ST7: variants seen among roughly 807,000 people sequenced by gnomAD.
The protein encoded by ST7 is suppression of tumorigenicity 7.
In ST7, 28 loss-of-function variants were observed where a neutral mutation model predicts 78.7. The ratio of observed to expected loss-of-function variants is 0.36; its 90% CI spans 0.26 to 0.49. ST7 has a LOEUF of 0.49. Ranked by LOEUF, ST7 falls within the 20% of genes least tolerant of loss-of-function variation. The pLI, the probability that ST7 is intolerant of heterozygous loss-of-function variation, is 0.99. For missense variants in ST7, 418 were observed against 696.0 expected, an observed-to-expected ratio of 0.60 and a Z score of 4.49; for synonymous variants, 247 against 249.6, an observed-to-expected ratio of 0.99 and a Z score of 0.10.
At chr7:116,987,640 G>T (rs1794242928) in intron 1 of ST7, among the ~76,000 whole-genome samples, 1 of 152,174 alleles carries the variant, frequency 6.6e-6, no homozygotes, top group Non-Finnish European at 1.5e-5. Flanking sequence ...TACCTCAAAG[G>T]AAAGAAACCT....
intron 13 of ST7, among the ~76,000 whole-genome samples, chr7:117,217,576 T>A (rs1792788152): frequency 6.6e-6 from 1 of 152,218 alleles, no homozygotes; most frequent in Non-Finnish European, 1.5e-5. Flanking sequence ...GTTAACAACC[T>A]GTGCAAAGAA....
intron 1 of ST7, among the ~76,000 whole-genome samples, chr7:116,966,614 C>G (rs1304175370): frequency 6.6e-6 from 1 of 152,148 alleles, no homozygotes; most frequent in Non-Finnish European, 1.5e-5. Flanking sequence ...TGATACTTGG[C>G]TTTATGGAAA....
At chr7:116,976,661 A>G (rs2116297051) in intron 1 of ST7, among the ~76,000 whole-genome samples, 1 of 152,346 alleles carries the variant, frequency 6.6e-6, no homozygotes, top group South Asian at 2.1e-4. Flanking sequence ...AGGTAGGGCT[A>G]TATATTCTGT....
chr7:117,048,401 CT>C (rs1318318923), intron 1 of ST7, among the ~76,000 whole-genome samples: 1 of 152,126 alleles, frequency 6.6e-6, no homozygotes, highest in Non-Finnish European at 1.5e-5. Flanking sequence ...CCAAAGCAGT[CT>C]TGAATAATCA....
At chr7:117,161,007 A>G (rs1807098570) in intron 9 of ST7, among the ~76,000 whole-genome samples, 1 of 152,162 alleles carries the variant, frequency 6.6e-6, no homozygotes, top group East Asian at 1.9e-4. Context: ...TCTTGATATT[A>G]TTATAGAATT....
At chr7:117,144,014 T>A (rs1053553822) in intron 9 of ST7, among the ~76,000 whole-genome samples, 7 of 152,182 alleles carry the variant, frequency 4.6e-5, no homozygotes, top group Admixed American at 4.6e-4. Context: ...ATTTACCATT[T>A]TAGAAAATTA....
At chr7:117,147,079 TAG>T (rs1372433676) in intron 9 of ST7, among the ~76,000 whole-genome samples, 1 of 152,164 alleles carries the variant, frequency 6.6e-6, no homozygotes, top group Non-Finnish European at 1.5e-5. Context: ...TATATGTCTA[TAG>T]ATCTCTGCTT....
chr7:116,975,521 C>T (rs1793657870), intron 1 of ST7, among the ~76,000 whole-genome samples: 2 of 152,026 alleles, frequency 1.3e-5, no homozygotes. Context: ...GGTTCTCCTT[C>T]CTTAGTCTCC....
intron 1 of ST7, among the ~76,000 whole-genome samples, chr7:117,076,027 G>A (rs565141434): frequency 6.6e-6 from 1 of 152,128 alleles, no homozygotes; most frequent in South Asian, 2.1e-4. Flanking sequence ...CAACTTCCTG[G>A]TTTCTTACAC....
chr7:117,010,398 T>A (rs1795339682), intron 1 of ST7, among the ~76,000 whole-genome samples: 2 of 152,122 alleles, frequency 1.3e-5, no homozygotes, highest in African/African-American at 2.4e-5. Flanking sequence ...TTTAGTGGAG[T>A]CTTCTCACAT....
chr7:116,991,549 C>T lies in ST7; in HGVS notation c.151+37858C>T, dbSNP rs148467544. Among the ~76,000 whole-genome samples, 63 of 152,130 alleles carry T rather than the reference C, an allele frequency of 4.1e-4. No homozygotes were observed. The East Asian group carries it at 6.9e-3, about 17-fold the overall frequency. On this transcript the variant is annotated intron_variant, in intron 1 of 15. Transcript: ENST00000323984. ...ACCAAGAGAACAATATGGGTGAAACCGCCCCCATGATTCAAATTATCTCCT... is the reference window on the plus strand; with the variant it reads ...ACCAAGAGAACAATATGGGTGAAACTGCCCCCATGATTCAAATTATCTCCT...
intron 1 of ST7, among the ~76,000 whole-genome samples, chr7:117,060,971 A>C (rs991296834): frequency 1.3e-5 from 2 of 152,312 alleles, no homozygotes; most frequent in South Asian, 4.1e-4. Context: ...GCACCACTGC[A>C]CTCCAGCCTG....
intron 1 of ST7, among the ~76,000 whole-genome samples, chr7:116,997,240 A>G (rs1223808588): frequency 1.3e-5 from 2 of 152,098 alleles, no homozygotes; most frequent in African/African-American, 2.4e-5. Context: ...AGAGCAAAAG[A>G]ACAAAGCTTC....
At chr7:116,977,297 G>A (rs753687519) in intron 1 of ST7, among the ~76,000 whole-genome samples, 9 of 152,190 alleles carry the variant, frequency 5.9e-5, no homozygotes, top group Non-Finnish European at 1.3e-4. Context: ...TTTCAAAAGT[G>A]TGACTGTACT....
chr7:117,103,127 A>G (rs1801689944), intron 2 of ST7, among the ~76,000 whole-genome samples: 1 of 152,214 alleles, frequency 6.6e-6, no homozygotes, highest in African/African-American at 2.4e-5. Flanking sequence ...GATTGGAAGA[A>G]TTAATATCAT....
At chr7:116,989,271 G>C (rs933922660) in intron 1 of ST7, among the ~76,000 whole-genome samples, 2 of 152,202 alleles carry the variant, frequency 1.3e-5, no homozygotes, top group Admixed American at 1.3e-4. Flanking sequence ...CAAGTGCTCA[G>C]TAGCCATATG....
intron 1 of ST7, among the ~76,000 whole-genome samples, chr7:117,094,838 A>G (rs1800901528): frequency 6.6e-6 from 1 of 151,910 alleles, no homozygotes; most frequent in African/African-American, 2.4e-5. Context: ...AGCCTAAATA[A>G]CTTAGTTTCT....
intron 10 of ST7, among the ~76,000 whole-genome samples, chr7:117,176,483 A>C (rs1239746884): frequency 6.6e-6 from 1 of 152,220 alleles, no homozygotes; most frequent in African/African-American, 2.4e-5. Flanking sequence ...TGTTGAGACT[A>C]TTCAGAGAAA....
chr7:117,019,201 G>T (rs1278652936), intron 1 of ST7, among the ~76,000 whole-genome samples: 4 of 152,090 alleles, frequency 2.6e-5, no homozygotes, highest in African/African-American at 9.7e-5. Flanking sequence ...TACTATATAT[G>T]ATTTTAAAAG....
Sources: allele counts gnomAD v4.1 joint callset (sites outside exome capture counted in the v4.1 genomes callset), GRCh38; gene constraint gnomAD v4.1.1; transcripts MANE v1.5; gene names NCBI Gene and HGNC (gene_info 2026-07-23, HGNC 2026-07-21).